The following GTF2E2 variants were observed in gnomAD, a reference collection of about 807,000 sequenced individuals.
GTF2E2 encodes the protein general transcription factor IIE subunit 2.
In GTF2E2, 21 loss-of-function variants were observed where a neutral mutation model predicts 40.5. That is an observed-to-expected ratio of 0.52 (90% CI 0.37 to 0.75). The LOEUF (loss-of-function observed/expected upper bound fraction) is 0.75. Ranked by LOEUF, GTF2E2 falls within the 30% of genes least tolerant of loss-of-function variation. The pLI is 0.00. For synonymous variants in GTF2E2, 117 were observed against 121.6 expected, an observed-to-expected ratio of 0.96 and a Z score of 0.25; for missense variants, 298 against 338.4, an observed-to-expected ratio of 0.88 and a Z score of 0.94.
chr8:30,612,024 T>C (rs899194119), intron 5 of GTF2E2, among the ~76,000 whole-genome samples: 1 of 152,208 alleles, frequency 6.6e-6, no homozygotes, highest in African/African-American at 2.4e-5. Context: ...AGAGAAACTC[T>C]ATTGCCTTTG....
At chr8:30,623,284 G>C (rs1167381191) in intron 3 of GTF2E2, among the ~76,000 whole-genome samples, 5 of 152,092 alleles carry the variant, frequency 3.3e-5, no homozygotes, top group Non-Finnish European at 7.3e-5. Flanking sequence ...CTATGAGTGA[G>C]AACATGCAGT....
chr8:30,633,426 C>T (rs573109122), intron 3 of GTF2E2, among the ~76,000 whole-genome samples: 1 of 152,264 alleles, frequency 6.6e-6, no homozygotes, highest in South Asian at 2.1e-4. Context: ...TGAAATACTA[C>T]AATATGCCAG....
chr8:30,623,110 A>C (rs1326785265), intron 3 of GTF2E2, among the ~76,000 whole-genome samples: 3 of 152,134 alleles, frequency 2.0e-5, no homozygotes, highest in African/African-American at 7.3e-5. Context: ...TAGAGACTGG[A>C]GTAAAGAAAG....
rs187191212 is a variant in GTF2E2, at chr8:30,589,121, G to A, written c.644-8725C>T. On this transcript the variant is annotated intron_variant, in intron 6 of 7. Transcript: ENST00000355904. Reference sequence around the variant, plus strand: ...GCAAAAAAAAAATTATCCGGGCGTGGTGGCACACGCCTGTAATCACAGCTA... The same window carrying A: ...GCAAAAAAAAAATTATCCGGGCGTGATGGCACACGCCTGTAATCACAGCTA... Among the ~76,000 whole-genome samples the A allele has an allele frequency of 3.8e-3, 577 of 152,266 alleles. 2 individuals carry two copies. Among genetic ancestry groups the A allele is most frequent in the African/African-American group, 0.013 (530 of 41,536 alleles).
intron 1 of GTF2E2, among the ~76,000 whole-genome samples, chr8:30,657,163 C>T (rs964204236): frequency 4.6e-5 from 7 of 152,182 alleles, no homozygotes; most frequent in East Asian, 3.8e-4. Flanking sequence ...AACTTTTCCT[C>T]CTTTTTCAAA....
At chr8:30,596,834 G>A (rs187998826) in intron 6 of GTF2E2, 2 of 152,380 alleles carry the variant, frequency 1.3e-5, no homozygotes, top group East Asian at 3.9e-4. Context: ...TGTCAGAACA[G>A]AAGCGTGGTT....
chr8:30,637,895 T>C (rs977022722), intron 2 of GTF2E2, among the ~76,000 whole-genome samples: 4 of 152,232 alleles, frequency 2.6e-5, no homozygotes, highest in Admixed American at 1.3e-4. Flanking sequence ...GCCACTCCCA[T>C]AATTAAAAAC....
rs1336339767 is a variant in GTF2E2 at position 30,646,141 on chromosome 8, T to C, written c.166+7292A>G. On this transcript the variant is annotated intron_variant, in intron 2 of 7. Coordinates refer to ENST00000355904, the MANE Select transcript of GTF2E2 (RefSeq NM_002095.6). ...GGATTAGTATGAAAAAGTCTCAAAA[T>C]AATCAAAAATGCCACAAGTATATTT... 5 of 152,152 alleles carry C rather than the reference T, an allele frequency of 3.3e-5. No individual in the cohort carries two copies. The South Asian group carries it at 8.3e-4, about 25-fold the overall frequency. 9.4% of individuals were successfully genotyped at this position (152,152 alleles called of 1,614,324 possible).
chr8:30,613,756 T>C (rs1275016120), intron 4 of GTF2E2, among the ~76,000 whole-genome samples: 2 of 152,240 alleles, frequency 1.3e-5, no homozygotes, highest in Non-Finnish European at 2.9e-5. Context: ...AATTTTACAT[T>C]TGGTTTCTAG....
intron 2 of GTF2E2, among the ~76,000 whole-genome samples, chr8:30,643,228 C>T (rs183423440): frequency 6.6e-6 from 1 of 152,254 alleles, no homozygotes; most frequent in Non-Finnish European, 1.5e-5. Flanking sequence ...AAAATAGAGT[C>T]CTCACCATTG....
At chr8:30,603,432 G>A (rs1829237281) in intron 6 of GTF2E2, among the ~76,000 whole-genome samples, 1 of 151,930 alleles carries the variant, frequency 6.6e-6, no homozygotes. Flanking sequence ...AATACAGACA[G>A]AAAGTAAAAG....
intron 5 of GTF2E2, among the ~76,000 whole-genome samples, chr8:30,609,265 C>CA (rs753208919): frequency 3.1e-3 from 80 of 25,890 alleles, no homozygotes; most frequent in South Asian, 7.2e-3. Context: ...GACTCCGCCT[C>CA]AAAAAAAAAA....
intron 1 of GTF2E2, among the ~76,000 whole-genome samples, chr8:30,655,802 T>C (rs1409347209): frequency 6.6e-6 from 1 of 152,084 alleles, no homozygotes; most frequent in Non-Finnish European, 1.5e-5. Context: ...TTCTCTCAGT[T>C]TCAATTTTTT....
chr8:30,647,162 G>T (rs1802115321), intron 2 of GTF2E2, among the ~76,000 whole-genome samples: 1 of 152,064 alleles, frequency 6.6e-6, no homozygotes, highest in South Asian at 2.1e-4. Context: ...TATTAAGAGG[G>T]CTGTGGGGAC....
chr8:30,594,527 T>TACTA (rs927959806), intron 6 of GTF2E2, among the ~76,000 whole-genome samples: 1 of 147,026 alleles, frequency 6.8e-6, no homozygotes, highest in African/African-American at 2.5e-5. Flanking sequence ...AGACAGTATA[T>TACTA]ACTAGACAGC....
chr8:30,630,925 A>G (rs1801422159), intron 3 of GTF2E2, among the ~76,000 whole-genome samples: 1 of 152,174 alleles, frequency 6.6e-6, no homozygotes, highest in Non-Finnish European at 1.5e-5. Flanking sequence ...ACCTCCATTC[A>G]GTATTGTCCA....
intron 6 of GTF2E2, among the ~76,000 whole-genome samples, chr8:30,593,403 A>C (rs1828904541): frequency 6.6e-6 from 1 of 152,148 alleles, no homozygotes; most frequent in African/African-American, 2.4e-5. Context: ...ATCCATTTTT[A>C]ATTCATGTAT....
rs188621625 is a variant in GTF2E2, at chr8:30,592,458, C to T, written c.644-12062G>A. Among the ~76,000 whole-genome samples the T allele has an allele frequency of 3.3e-5, 5 of 152,308 alleles. No homozygotes were observed. In the East Asian group the frequency reaches 9.6e-4, roughly 29 times the overall value. On this transcript the variant is annotated intron_variant, in intron 6 of 7. Transcript: ENST00000355904. ...TCTGTTATTGATTTCTAGCCTAATT[C>T]CATTACGGCTCACACACATCGTTCA...
At chr8:30,639,037 G>C (rs1391044156) in intron 2 of GTF2E2, among the ~76,000 whole-genome samples, 3 of 152,238 alleles carry the variant, frequency 2.0e-5, no homozygotes, top group East Asian at 3.9e-4. Flanking sequence ...GCGAATTCCA[G>C]ACTAAAGCTT....
Sources: gnomAD v4.1 joint callset for allele counts (sites outside exome capture counted in the v4.1 genomes callset) on GRCh38, gnomAD v4.1.1 for gene constraint, MANE v1.5 for transcripts, NCBI Gene and HGNC (gene_info 2026-07-23, HGNC 2026-07-21) for gene names.